Variants in KDM4B observed in about 807,000 individuals in gnomAD.
KDM4B encodes the protein lysine-specific demethylase 4B.
Under a neutral mutation model 125.2 loss-of-function variants are expected in KDM4B, and 32 were observed. That is an observed-to-expected ratio of 0.26 (90% CI 0.19 to 0.34). The LOEUF (loss-of-function observed/expected upper bound fraction) is 0.34, where lower values mean the gene tolerates loss of function less well. KDM4B is among the 10% of genes least tolerant of loss of function. KDM4B has a pLI of 1.00. For synonymous variants in KDM4B, 721 were observed against 677.9 expected, an observed-to-expected ratio of 1.06 and a Z score of -0.99; for missense variants, 1,190 against 1,577.7, an observed-to-expected ratio of 0.75 and a Z score of 4.16.
chr19:4,998,812 C>T (rs938741833), intron 1 of KDM4B, among the ~76,000 whole-genome samples: 5 of 152,164 alleles, frequency 3.3e-5, no homozygotes, highest in African/African-American at 1.2e-4. Flanking sequence ...TGTTAAATGT[C>T]CCCCAGGTGG....
intron 18 of KDM4B, chr19:5,140,924 CTTTTCCTGCCTGG>C (rs1258123416): frequency 6.6e-6 from 1 of 152,268 alleles, no homozygotes; most frequent in East Asian, 1.9e-4. Context: ...GTCCTGCCTG[CTTTTCCTGCCTGG>C]TTTATCTTCC....
At chr19:5,118,486 G>A (rs975419516) in intron 10 of KDM4B, among the ~76,000 whole-genome samples, 1 of 152,006 alleles carries the variant, frequency 6.6e-6, no homozygotes, top group African/African-American at 2.4e-5. Context: ...CAGGGGGTGG[G>A]CCTGGAGGAG....
chr19:5,014,266 G>A (rs1331532485), intron 1 of KDM4B, among the ~76,000 whole-genome samples: 1 of 152,064 alleles, frequency 6.6e-6, no homozygotes, highest in Non-Finnish European at 1.5e-5. Context: ...TACCACACCC[G>A]GCTAAGTGTT....
chr19:5,061,840 A>G (rs1427011114), intron 6 of KDM4B, among the ~76,000 whole-genome samples: 1 of 151,578 alleles, frequency 6.6e-6, no homozygotes, highest in Non-Finnish European at 1.5e-5. Flanking sequence ...AAAAAAAAAA[A>G]CAAAAAACAA....
intron 21 of KDM4B, among the ~76,000 whole-genome samples, chr19:5,146,021 C>T (rs897811655): frequency 2.0e-5 from 3 of 152,244 alleles, no homozygotes; most frequent in African/African-American, 7.2e-5. Context: ...CACTGAGTGC[C>T]CAGGACCACC....
At chr19:4,993,201 G>T (rs2035082887) in intron 1 of KDM4B, among the ~76,000 whole-genome samples, 3 of 152,176 alleles carry the variant, frequency 2.0e-5, no homozygotes, top group African/African-American at 7.2e-5. Flanking sequence ...CCTGAGGTCA[G>T]CAGTTTGAGA....
intron 1 of KDM4B, among the ~76,000 whole-genome samples, chr19:5,009,528 A>C (rs979595887): frequency 6.6e-6 from 1 of 152,174 alleles, no homozygotes; most frequent in Non-Finnish European, 1.5e-5. Context: ...CTTGAGCTTC[A>C]GAGGACAGAG....
At chr19:5,014,789 T>A (rs2035839023) in intron 1 of KDM4B, among the ~76,000 whole-genome samples, 1 of 151,066 alleles carries the variant, frequency 6.6e-6, no homozygotes, top group African/African-American at 2.4e-5. Flanking sequence ...AGGTTAGGAG[T>A]TCGAGACCAG....
intron 9 of KDM4B, among the ~76,000 whole-genome samples, chr19:5,108,150 G>A (rs924085673): frequency 2.6e-5 from 4 of 152,234 alleles, no homozygotes; most frequent in East Asian, 3.9e-4. Flanking sequence ...CCCCCTCCAC[G>A]GGTGCACACA....
In KDM4B at chr19:5,046,720, C is replaced by T. The variant is rs563092160; in HGVS notation, c.433-756C>T. Among the ~76,000 whole-genome samples, 58 of 152,336 alleles carry T rather than the reference C, an allele frequency of 3.8e-4. 1 individual carries two copies. The highest frequency in any genetic ancestry group is 1.3e-3 in the African/African-American group (52 of 41,574). On this transcript the variant is annotated intron_variant, in intron 5 of 22. Coordinates refer to ENST00000159111, the MANE Select transcript of KDM4B (RefSeq NM_015015.3). The stretch of plus-strand genomic sequence containing the variant: ...TTTGCCTAGTTCTGAAAACTGTCTT[C>T]GTCTCCTCGGTCAGAAGCTGTGGAA...
intron 6 of KDM4B, among the ~76,000 whole-genome samples, chr19:5,067,924 G>GTC (rs2037824707): frequency 6.6e-6 from 1 of 150,880 alleles, no homozygotes; most frequent in East Asian, 1.9e-4. Flanking sequence ...CCTTGTGATG[G>GTC]AAACCGAGCT....
intron 1 of KDM4B, among the ~76,000 whole-genome samples, chr19:4,976,959 A>G (rs1419383100): frequency 6.6e-6 from 1 of 152,268 alleles, no homozygotes; most frequent in Non-Finnish European, 1.5e-5. Flanking sequence ...TGATTGAAAT[A>G]AACAATCTGG....
intron 11 of KDM4B, among the ~76,000 whole-genome samples, chr19:5,129,789 G>C (rs367720686): frequency 6.6e-6 from 1 of 152,234 alleles, no homozygotes; most frequent in East Asian, 1.9e-4. Flanking sequence ...AGATGGAGCA[G>C]GCAGGGCCCC....
intron 2 of KDM4B, among the ~76,000 whole-genome samples, chr19:5,027,933 G>T (rs1436974067): frequency 6.6e-6 from 1 of 152,128 alleles, no homozygotes; most frequent in South Asian, 2.1e-4. Flanking sequence ...ACAGTTTTCA[G>T]TATATTCAAA....
At chr19:5,086,199 C>G (rs77092728) in intron 9 of KDM4B, among the ~76,000 whole-genome samples, 11,008 of 151,988 alleles carry the variant, frequency 0.072, 1,211 homozygotes, top group African/African-American at 0.24. Context: ...CCTGCCCCCC[C>G]CCACCCCGTT....
intron 6 of KDM4B, among the ~76,000 whole-genome samples, chr19:5,068,292 G>A (rs902826854): frequency 3.9e-5 from 6 of 152,146 alleles, no homozygotes; most frequent in Admixed American, 2.6e-4. Flanking sequence ...GGTCTCTGCC[G>A]TGCATCTGCT....
chr19:4,974,260 A>G (rs62112548), intron 1 of KDM4B, among the ~76,000 whole-genome samples: 55,412 of 150,976 alleles, frequency 0.37, 10,683 homozygotes, highest in East Asian at 0.72. Flanking sequence ...TTACCCGGGC[A>G]TGGTGGTGGC....
At chr19:5,103,958 C>T (rs1056837720) in intron 9 of KDM4B, among the ~76,000 whole-genome samples, 3 of 152,236 alleles carry the variant, frequency 2.0e-5, no homozygotes, top group Admixed American at 1.3e-4. Flanking sequence ...GAGTAGCTTC[C>T]GAGCTCCTGA....
At position 5,081,806 on chromosome 19, in the gene KDM4B, C is replaced by T. The variant is rs979029351; in HGVS notation, c.781-561C>T. Among the ~76,000 whole-genome samples, 1 of 152,184 alleles carries T rather than the reference C, an allele frequency of 6.6e-6. No individual in the cohort carries two copies. Among genetic ancestry groups the T allele is most frequent in the Non-Finnish European group, 1.5e-5 (1 of 68,030 alleles). On this transcript the variant is annotated intron_variant, in intron 8 of 22. Transcript: ENST00000159111. This position sits in a 1 kb window ranked among gnomAD's most constrained non-coding sequence, Gnocchi z 4.2. ...CCCTTCCTGGCGTGTTTTGCGCGTG[C>T]AGTGGTGGTTCCTTTCTCATGCGAG... is the stretch of plus-strand genomic sequence containing the variant.
Sources: allele counts gnomAD v4.1 joint callset (sites outside exome capture counted in the v4.1 genomes callset), GRCh38; gene constraint gnomAD v4.1.1; non-coding constraint Gnocchi (gnomAD v3.1); transcripts MANE v1.5; gene names NCBI Gene and HGNC (gene_info 2026-07-23, HGNC 2026-07-21).